The following ZNF727 variants were observed in gnomAD, a reference collection of about 807,000 sequenced individuals.
ZNF727 encodes the protein zinc finger protein 727, also known as putative zinc finger protein 727.
ZNF727 carries 11 observed loss-of-function variants against 11.5 expected under a neutral mutation model. The ratio of observed to expected loss-of-function variants is 0.95; its 90% confidence interval spans 0.60 to 1.58. The LOEUF (loss-of-function observed/expected upper bound fraction) is 1.58, where lower values mean the gene tolerates loss of function less well. Ranked by LOEUF, ZNF727 falls within the 40% of genes most tolerant of loss-of-function variation. The pLI is 0.00. For synonymous variants in ZNF727, 171 were observed against 196.1 expected, an observed-to-expected ratio of 0.87 and a Z score of 1.07; for missense variants, 533 against 581.7, an observed-to-expected ratio of 0.92 and a Z score of 0.86.
intron 1 of ZNF727, among the ~76,000 whole-genome samples, chr7:64,049,823 AAG>A (rs1562789472): frequency 6.6e-6 from 1 of 151,510 alleles, no homozygotes; most frequent in African/African-American, 2.4e-5. Context: ...GCAACAATCT[AAG>A]ATTATAGTTT....
At chr7:64,056,288 T>TTC (rs1228136159) in intron 1 of ZNF727, among the ~76,000 whole-genome samples, 1 of 152,218 alleles carries the variant, frequency 6.6e-6, no homozygotes, top group Non-Finnish European at 1.5e-5. Context: ...GATAAGGCTA[T>TTC]GTACGATATG....
At position 64,077,990 on chromosome 7, in the gene ZNF727, G is replaced by A; in HGVS notation, c.941G>A (p.Cys314Tyr). The change falls in exon 4 of 4, where the codon TGT becomes TAT. Residue 314 changes from cysteine to tyrosine, a missense_variant. By Grantham distance (194) the Cys-to-Tyr change is radical. This residue lies in a region of ZNF727 where 463 missense variants were observed against 494.5 expected (regional missense o/e 0.94). Transcript: ENST00000456806. Reference protein sequence around the residue: ...RIHTGEKPYKCNECGKAFMWI... With the variant: ...RIHTGEKPYKYNECGKAFMWI... ...CATACTGGAGAGAAACCCTACAAAT[G>A]TAATGAATGTGGAAAAGCTTTTATG... The A allele has an allele frequency of 6.2e-7, 1 of 1,602,364 alleles. No homozygotes were observed. Among genetic ancestry groups the A allele is most frequent in the Non-Finnish European group, 8.5e-7 (1 of 1,173,986 alleles).
chr7:64,053,795 A>C (rs1789640205), intron 1 of ZNF727, among the ~76,000 whole-genome samples: 1 of 152,174 alleles, frequency 6.6e-6, no homozygotes, highest in South Asian at 2.1e-4. Context: ...TAAATTGCCC[A>C]GTCTCAGGTA....
intron 1 of ZNF727, among the ~76,000 whole-genome samples, chr7:64,046,473 A>G (rs1250704387): frequency 6.6e-6 from 1 of 152,164 alleles, no homozygotes; most frequent in Non-Finnish European, 1.5e-5. Context: ...ATAGTTTAGC[A>G]CCATTCCTCT....
At chr7:64,056,148 C>T (rs1789683102) in intron 1 of ZNF727, among the ~76,000 whole-genome samples, 1 of 152,046 alleles carries the variant, frequency 6.6e-6, no homozygotes, top group African/African-American at 2.4e-5. Flanking sequence ...ATTTTATAAA[C>T]AGGTTTATTT....
chr7:64,081,994 T>G lies in ZNF727; in HGVS notation c.*3445T>G, dbSNP rs1419917618. ...TGGAGGATCTGTGCTTTTGGCCAAA[T>G]TAGGGGTTCACTGGTAATGAGCAGT... On this transcript the variant is annotated 3_prime_UTR_variant, in exon 4 of 4. Coordinates refer to ENST00000456806, the MANE Select transcript of ZNF727 (RefSeq NM_001159522.3). 6.6e-6 allele frequency among the ~76,000 whole-genome samples: 1 copy of G among 151,946 alleles called. No homozygotes were observed. The highest frequency in any genetic ancestry group is 1.5e-5 in the Non-Finnish European group (1 of 67,990).
In ZNF727 at chr7:64,084,878, CAG is replaced by C. The variant is rs1270115348; in HGVS notation, c.*6331_*6332del. The stretch of plus-strand genomic sequence containing the variant: ...AGAAAAGAAAAATATTAGAGTGAAA[CAG>C]ATAATTTTACATGTGTTGATATCTT... On this transcript the variant is annotated 3_prime_UTR_variant, in exon 4 of 4. Transcript: ENST00000456806. 1.3e-4 allele frequency among the ~76,000 whole-genome samples: 20 copies of C among 152,192 alleles called. No homozygotes were observed. The South Asian group carries it at 2.9e-3, about 22-fold the overall frequency.
intron 3 of ZNF727, among the ~76,000 whole-genome samples, chr7:64,075,325 A>G (rs912301844): frequency 3.3e-5 from 5 of 152,128 alleles, no homozygotes; most frequent in African/African-American, 1.2e-4. Flanking sequence ...TAATGACATA[A>G]TAAATATGTC....
chr7:64,069,772 C>T (rs1321455359), intron 3 of ZNF727, among the ~76,000 whole-genome samples, 163 bp downstream of exon 3: 1 of 151,954 alleles, frequency 6.6e-6, no homozygotes, highest in Non-Finnish European at 1.5e-5. Flanking sequence ...ATTTTTTGTC[C>T]CATTCTTGTG....
At chr7:64,048,690 G>C (rs1340740357) in intron 1 of ZNF727, among the ~76,000 whole-genome samples, 1 of 152,148 alleles carries the variant, frequency 6.6e-6, no homozygotes, top group East Asian at 1.9e-4. Context: ...CAGTAAATCA[G>C]TAGCTTTTTT....
At chr7:64,051,313 T>A (rs1347439746) in intron 1 of ZNF727, among the ~76,000 whole-genome samples, 1 of 152,202 alleles carries the variant, frequency 6.6e-6, no homozygotes, top group Non-Finnish European at 1.5e-5. Context: ...AGCTCTGGTA[T>A]AATCAAAACT....
At chr7:64,063,954 G>C (rs544574842) in intron 1 of ZNF727, among the ~76,000 whole-genome samples, 24 of 152,142 alleles carry the variant, frequency 1.6e-4, no homozygotes, top group Admixed American at 5.9e-4. Flanking sequence ...CTGATATCCA[G>C]TGAGGACCCA....
rs752641307 is a variant in ZNF727, at chr7:64,078,594, G to A, written c.*45G>A. On this transcript the variant is annotated 3_prime_UTR_variant, in exon 4 of 4. Transcript: ENST00000456806. ...TTACAAATGTAATGAATGTGGAAAA[G>A]CTTTTACGTGGATCTTGGCCCTTAG... is the stretch of plus-strand genomic sequence containing the variant. The A allele has an allele frequency of 1.3e-5, 20 of 1,536,986 alleles. No homozygotes were observed. The highest frequency in any genetic ancestry group is 5.9e-5 in the South Asian group (5 of 84,462).
At chr7:64,064,965 C>T (rs1244108976) in intron 1 of ZNF727, among the ~76,000 whole-genome samples, 1 of 152,148 alleles carries the variant, frequency 6.6e-6, no homozygotes, top group Non-Finnish European at 1.5e-5. Flanking sequence ...CTTTGTTACC[C>T]TCTTCAGTGC....
At chr7:64,072,577 A>C (rs1452492830) in intron 3 of ZNF727, among the ~76,000 whole-genome samples, 1 of 152,108 alleles carries the variant, frequency 6.6e-6, no homozygotes, top group Non-Finnish European at 1.5e-5. Flanking sequence ...GAGCACAGTA[A>C]AGGCCAAGGT....
intron 1 of ZNF727, among the ~76,000 whole-genome samples, chr7:64,067,746 G>A (rs774983457): frequency 6.6e-6 from 1 of 152,020 alleles, no homozygotes; most frequent in South Asian, 2.1e-4. Context: ...AGGGGATTGG[G>A]GGCAAGGGGA....
rs1785682074 is a variant in ZNF727 at position 64,077,351 on chromosome 7, G to C, written c.302G>C (p.Arg101Thr). Residue 101 changes from arginine to threonine, a missense_variant, in exon 4 of 4, where the codon AGA (arginine) becomes ACA (threonine). Around this residue, in one of 3 missense-constraint regions of ZNF727, gnomAD observed 463 missense variants for 494.5 expected, o/e 0.94. Transcript: ENST00000456806. ...INDSFQKVILRKSGSCDLNTL... is the reference protein window; with the variant it reads ...INDSFQKVILTKSGSCDLNTL... ...GATTCATTTCAAAAAGTGATCCTGAGAAAATCTGGAAGCTGTGACCTTAAT... is the reference window on the plus strand; with the variant it reads ...GATTCATTTCAAAAAGTGATCCTGACAAAATCTGGAAGCTGTGACCTTAAT... 3.2e-6 allele frequency: 5 copies of C among 1,551,106 alleles called. No homozygotes were observed. The highest frequency in any genetic ancestry group is 3.5e-6 in the Non-Finnish European group (4 of 1,146,864).
rs1785794631 is a variant in ZNF727 at position 64,081,645 on chromosome 7, C to T, written c.*3096C>T. On this transcript the variant is annotated 3_prime_UTR_variant, in exon 4 of 4. Coordinates refer to ENST00000456806, the MANE Select transcript of ZNF727 (RefSeq NM_001159522.3). ...GGGCTCCTAGGGTACCTGAGACTGC[C>T]CTGTAAGCAGTTGTGGCCAGACTGG... is the stretch of plus-strand genomic sequence containing the variant. 6.6e-6 allele frequency among the ~76,000 whole-genome samples: 1 copy of T among 152,000 alleles called. No individual in the cohort carries two copies. The highest frequency in any genetic ancestry group is 6.5e-5 in the Admixed American group (1 of 15,270).
chr7:64,070,263 C>G (rs1789940139), intron 3 of ZNF727, among the ~76,000 whole-genome samples: 1 of 151,968 alleles, frequency 6.6e-6, no homozygotes, highest in Non-Finnish European at 1.5e-5. Context: ...GGCCAAATTC[C>G]TCAACTGTAA....
Sources: allele counts gnomAD v4.1 joint callset (sites outside exome capture counted in the v4.1 genomes callset), GRCh38; gene constraint gnomAD v4.1.1; regional missense constraint gnomAD v4.1.1; transcripts MANE v1.5; gene names NCBI Gene and HGNC (gene_info 2026-07-23, HGNC 2026-07-21).